Variants in PPP1R3B observed in about 807,000 individuals in gnomAD.
The protein encoded by PPP1R3B is PP1 subunit R4.
Under a neutral mutation model 14.6 loss-of-function variants are expected in PPP1R3B, and 8 were observed. That is an observed-to-expected ratio of 0.55 (90% CI 0.32 to 0.99). The LOEUF is 0.99. Among genes scored for constraint, PPP1R3B ranks in the 50% least tolerant of loss-of-function variants. The pLI is 0.04. For synonymous variants in PPP1R3B, 169 were observed against 142.0 expected (o/e 1.19, Z -1.35); for missense variants, 452 against 360.1 (o/e 1.26, Z -2.07).
At chr8:9,149,385 C>A (rs764827470) in intron 1 of PPP1R3B, among the ~76,000 whole-genome samples, 4 of 151,614 alleles carry the variant, frequency 2.6e-5, no homozygotes, top group Non-Finnish European at 4.4e-5. Flanking sequence ...CGCCTGTAGT[C>A]CCAGCTACTC....
At chr8:9,142,551 T>C (rs1801121803) in intron 1 of PPP1R3B, among the ~76,000 whole-genome samples, 1 of 152,196 alleles carries the variant, frequency 6.6e-6, no homozygotes, top group African/African-American at 2.4e-5. Flanking sequence ...TCAGCAATTT[T>C]CAAATATATA....
intron 1 of PPP1R3B, chr8:9,142,137 C>T (rs1801110462): frequency 1.2e-5 from 2 of 161,896 alleles, no homozygotes; most frequent in South Asian, 3.3e-4. Flanking sequence ...TTGCTCTGTG[C>T]CCAGGCTGGA....
Position 9,140,965 on chromosome 8 carries a change from G to T in PPP1R3B, c.687C>A (p.Asn229Lys). The change falls in exon 2 of 2, where the codon AAC becomes AAA. Residue 229 changes from asparagine (N) to lysine (K), a missense_variant. By Grantham distance (94) the Asn-to-Lys change is moderately conservative (BLOSUM62 0). Transcript: ENST00000310455. ...TTAACTCAGCCCGGATGATCCTATA[G>T]TTCTTGCCTCTGTTGCTGTCCCAGT... The part of the protein sequence containing the change: ...QTYWDSNRGK[N>K]YRIIRAELKS... 1.9e-6 allele frequency: 3 copies of T among 1,614,156 alleles called. No individual in the cohort carries two copies. The highest frequency in any genetic ancestry group is 1.7e-6 in the Non-Finnish European group (2 of 1,180,026).
upstream of PPP1R3B, chr8:9,151,466 C>T (rs1317037068): frequency 6.1e-6 from 1 of 163,346 alleles, no homozygotes; most frequent in Non-Finnish European, 1.3e-5. Flanking sequence ...TTCGCGCCCC[C>T]CGCGGGCGGC....
At chr8:9,145,055 G>A (rs928286149) in intron 1 of PPP1R3B, among the ~76,000 whole-genome samples, 13 of 151,820 alleles carry the variant, frequency 8.6e-5, no homozygotes, top group African/African-American at 3.1e-4. Context: ...CCCATGTGAT[G>A]TAATTTTATA....
At chr8:9,145,586 T>A (rs1002177364) in intron 1 of PPP1R3B, among the ~76,000 whole-genome samples, 7 of 152,158 alleles carry the variant, frequency 4.6e-5, no homozygotes, top group African/African-American at 1.7e-4. Flanking sequence ...GAGTCAAAAG[T>A]TATATGTGGA....
In PPP1R3B at chr8:9,141,631, C is replaced by G. The variant is rs1484513279; in HGVS notation, c.21G>C (p.Glu7Asp). Reference sequence around the variant, plus strand: ...AAGGAGCCATGCAGTTGTATCTGTACTCGATGTCCACAGCCATCATGGGGC... The same window carrying G: ...AAGGAGCCATGCAGTTGTATCTGTAGTCGATGTCCACAGCCATCATGGGGC... Reference protein sequence around the residue: MMAVDIEYRYNCMAPSL... With the variant: MMAVDIDYRYNCMAPSL... Residue 7 changes from glutamate to aspartate, a missense_variant, in exon 2 of 2, where the codon GAG (glutamate) becomes GAC (aspartate). Coordinates refer to ENST00000310455, the MANE Select transcript of PPP1R3B (RefSeq NM_024607.4). 1 of 1,613,588 alleles carries G rather than the reference C, an allele frequency of 6.2e-7. No individual in the cohort carries two copies. Among genetic ancestry groups the G allele is most frequent in the South Asian group, 1.1e-5 (1 of 91,076 alleles).
chr8:9,148,074 A>C (rs1250130599), intron 1 of PPP1R3B, among the ~76,000 whole-genome samples: 1 of 152,180 alleles, frequency 6.6e-6, no homozygotes, highest in Non-Finnish European at 1.5e-5. Context: ...ATTCTCCAAG[A>C]ATCAGCACAC....
intron 1 of PPP1R3B, among the ~76,000 whole-genome samples, chr8:9,149,702 G>A (rs1251607157): frequency 6.6e-6 from 1 of 152,204 alleles, no homozygotes; most frequent in East Asian, 1.9e-4. Flanking sequence ...AGCATGAAGA[G>A]AGTGCATGTC....
chr8:9,143,706 A>T (rs533949704), intron 1 of PPP1R3B, among the ~76,000 whole-genome samples: 2,397 of 152,282 alleles, frequency 0.016, 56 homozygotes, highest in African/African-American at 0.055. Flanking sequence ...AAAAAAAATA[A>T]AAATAAATAA....
intron 1 of PPP1R3B, among the ~76,000 whole-genome samples, chr8:9,148,078 A>G (rs1191610572): frequency 6.6e-6 from 1 of 152,208 alleles, no homozygotes; most frequent in Admixed American, 6.5e-5. Flanking sequence ...TCCAAGAATC[A>G]GCACACCAAA....
At chr8:9,146,870 C>T (rs1489940875) in intron 1 of PPP1R3B, among the ~76,000 whole-genome samples, 1 of 152,082 alleles carries the variant, frequency 6.6e-6, no homozygotes, top group African/African-American at 2.4e-5. Context: ...AAAAAAAATC[C>T]TATACTTACA....
chr8:9,140,532 A>G lies in PPP1R3B; in HGVS notation c.*262T>C. On this transcript the variant is annotated 3_prime_UTR_variant, in exon 2 of 2. Transcript: ENST00000310455. ...TTCCCATCCATACCCTTTCCAGCACAGACGTGCACAGACTCTCGTGGCTGC... is the reference window on the plus strand; with the variant it reads ...TTCCCATCCATACCCTTTCCAGCACGGACGTGCACAGACTCTCGTGGCTGC... The G allele has an allele frequency of 3.8e-6, 2 of 519,592 alleles. No individual in the cohort carries two copies. Among genetic ancestry groups the G allele is most frequent in the Non-Finnish European group, 6.9e-6 (2 of 290,620 alleles). 32.2% of individuals were successfully genotyped at this position (519,592 alleles called of 1,614,324 possible).
Position 9,139,322 on chromosome 8 carries a change from G to A in PPP1R3B, c.*1472C>T, listed in dbSNP as rs906617044. ...AGAGTTGGCAAACGTTTAAAATAAC[G>A]TATAAGAACTTGGGTGAGGTTTTTC... On this transcript the variant is annotated 3_prime_UTR_variant, in exon 2 of 2. Transcript: ENST00000310455. The A allele has an allele frequency of 1.3e-5, 2 of 152,178 alleles. No individual in the cohort carries two copies. Among genetic ancestry groups the A allele is most frequent in the Non-Finnish European group, 2.9e-5 (2 of 68,034 alleles). 9.4% of individuals were successfully genotyped at this position (152,178 alleles called of 1,614,324 possible).
upstream of PPP1R3B, among the ~76,000 whole-genome samples, chr8:9,151,019 G>A (rs1020786276): frequency 1.3e-5 from 2 of 152,158 alleles, no homozygotes; most frequent in Non-Finnish European, 2.9e-5. Context: ...GGGAACTTGT[G>A]CTAGTTTCGA....
upstream of PPP1R3B, chr8:9,151,204 TAG>T (rs1801420752): frequency 6.6e-6 from 1 of 152,382 alleles, no homozygotes; most frequent in African/African-American, 2.4e-5. Flanking sequence ...GCCAGCTACC[TAG>T]AGTGTTCCAG....
rs1259278873 is a variant in PPP1R3B at position 9,138,774 on chromosome 8, A to T, written c.*2020T>A. On this transcript the variant is annotated 3_prime_UTR_variant, in exon 2 of 2. Coordinates refer to ENST00000310455, the MANE Select transcript of PPP1R3B (RefSeq NM_024607.4). ...GAAAATAAAAGAGTCGTTTAACCAA[A>T]CTCCAAAAACAAACAAAAATAGAAA... 1 of 152,136 alleles carries T rather than the reference A, an allele frequency of 6.6e-6. No individual in the cohort carries two copies. Among genetic ancestry groups the T allele is most frequent in the Non-Finnish European group, 1.5e-5 (1 of 68,040 alleles). 9.4% of individuals were successfully genotyped at this position (152,136 alleles called of 1,614,324 possible). A position where few individuals can be genotyped will look rare whatever the true frequency, so the allele number is the denominator to read the frequency against.
chr8:9,148,918 T>C (rs1801325374), intron 1 of PPP1R3B, among the ~76,000 whole-genome samples: 1 of 152,014 alleles, frequency 6.6e-6, no homozygotes, highest in Non-Finnish European at 1.5e-5. Context: ...CCGGGCGTGG[T>C]GGCTCACGCC....
intron 1 of PPP1R3B, among the ~76,000 whole-genome samples, chr8:9,144,767 C>G (rs776785417): frequency 6.6e-6 from 1 of 152,034 alleles, no homozygotes; most frequent in Non-Finnish European, 1.5e-5. Flanking sequence ...TTTTTTGAGA[C>G]AGAGTTTCAC....
Sources: allele counts gnomAD v4.1 joint callset (sites outside exome capture counted in the v4.1 genomes callset), GRCh38; gene constraint gnomAD v4.1.1; transcripts MANE v1.5; gene names NCBI Gene and HGNC (gene_info 2026-07-23, HGNC 2026-07-21).